XRN1: variants seen among roughly 807,000 people sequenced by gnomAD.
XRN1 encodes the protein strand-exchange protein 1 homolog.
Under a neutral mutation model 222.3 loss-of-function variants are expected in XRN1, and 67 were observed. That is an observed-to-expected ratio of 0.30 (90% confidence interval 0.25 to 0.37). XRN1 has a LOEUF of 0.37. XRN1 is among the 10% of genes least tolerant of loss of function. The pLI is 1.00. For synonymous variants in XRN1, 643 were observed against 652.4 expected, an observed-to-expected ratio of 0.99 and a Z score of 0.22; for missense variants, 1,707 against 2,000.2, an observed-to-expected ratio of 0.85 and a Z score of 2.80.
Position 142,308,309 on chromosome 3 carries a change from TC to T in XRN1, c.*3201del, listed in dbSNP as rs1473128969. The T allele has an allele frequency of 2.0e-4, 31 of 152,202 alleles. No homozygotes were observed. The highest frequency in any genetic ancestry group is 2.0e-3 in the Admixed American group (31 of 15,270). 9.4% of individuals were successfully genotyped at this position (152,202 alleles called of 1,614,324 possible). On this transcript the variant is annotated 3_prime_UTR_variant, in exon 41 of 41. Coordinates refer to ENST00000392981, the MANE Select transcript of XRN1 (RefSeq NM_001282857.2). ...TCTGCCTCCCTCTCTCTGCCTCCTC[TC>T]ATTAAAACCAAGAATCTAGCTTAGT...
At chr3:142,414,497 A>T (rs2068709771) in intron 13 of XRN1, among the ~76,000 whole-genome samples, 1 of 143,874 alleles carries the variant, frequency 7.0e-6, no homozygotes, top group African/African-American at 2.5e-5. Context: ...CATTTCCTGA[A>T]TTTTTTTTTT....
At chr3:142,413,528 A>G (rs1364145543) in intron 14 of XRN1, among the ~76,000 whole-genome samples, 1 of 152,196 alleles carries the variant, frequency 6.6e-6, no homozygotes, top group Non-Finnish European at 1.5e-5. Context: ...CACAGAATTA[A>G]AAGAACAGAT....
At chr3:142,403,846 T>G (rs369075979) in intron 17 of XRN1, 23 bp downstream of exon 17, 139 of 1,611,948 alleles carry the variant, frequency 8.6e-5, no homozygotes, top group Middle Eastern at 5.0e-4. Context: ...AGTGAAAAAA[T>G]TCTGAACTAA....
chr3:142,396,444 GT>G (rs2067935468), intron 20 of XRN1, among the ~76,000 whole-genome samples: 1 of 152,130 alleles, frequency 6.6e-6, no homozygotes, highest in Admixed American at 6.5e-5. Flanking sequence ...GTTTATTATG[GT>G]TTTATTTATA....
chr3:142,415,650 C>T (rs2068755745), intron 13 of XRN1, among the ~76,000 whole-genome samples: 1 of 152,188 alleles, frequency 6.6e-6, no homozygotes, highest in African/African-American at 2.4e-5. Flanking sequence ...GATTGCTCCT[C>T]AGAGAGGCCC....
intron 20 of XRN1, 37 bp downstream of exon 20, chr3:142,397,292 T>C (rs1043925878): frequency 2.0e-6 from 3 of 1,524,358 alleles, no homozygotes; most frequent in Non-Finnish European, 2.6e-6. Flanking sequence ...AAACGGATTT[T>C]AGTTCCATGA....
intron 37 of XRN1, among the ~76,000 whole-genome samples, chr3:142,324,078 T>C (rs1441413629): frequency 6.6e-6 from 1 of 151,758 alleles, no homozygotes; most frequent in African/African-American, 2.4e-5. Flanking sequence ...TATTGGGTTT[T>C]TTTTCAGTTT....
At position 142,447,909 on chromosome 3, in the gene XRN1, C is replaced by T; in HGVS notation, c.36G>A (p.Glu12=). The T allele has an allele frequency of 6.2e-7, 1 of 1,614,052 alleles. No homozygotes were observed. The highest frequency in any genetic ancestry group is 1.3e-5 in the African/African-American group (1 of 75,050). The change falls in exon 1 of 41, where the codon GAG becomes GAA. Residue 12 remains glutamate (E), a synonymous_variant. Transcript: ENST00000392981. The surrounding 1 kb of genome is among the most constrained non-coding windows in gnomAD (Gnocchi z 4.2). The stretch of plus-strand genomic sequence containing the variant: ...CCACTTCGCTGAGACAGGGATACCG[C>T]TCTGAGATCCATCTGTAAAACTTGG... The part of the protein sequence containing the change: ...GVPKFYRWIS[E]RYPCLSEVVK...
intron 36 of XRN1, among the ~76,000 whole-genome samples, chr3:142,330,247 G>C (rs945997820): frequency 1.3e-5 from 2 of 152,142 alleles, no homozygotes; most frequent in African/African-American, 2.4e-5. Context: ...AAGTTTTGAA[G>C]TTTTGGCTTC....
At chr3:142,416,985 T>A (rs1017025234) in intron 13 of XRN1, among the ~76,000 whole-genome samples, 155 bp downstream of exon 13, 1 of 129,166 alleles carries the variant, frequency 7.7e-6, no homozygotes, top group South Asian at 2.3e-4. Flanking sequence ...GCCGAGATCA[T>A]GCCACTGCAC....
intron 15 of XRN1, 62 bp downstream of exon 15, chr3:142,412,482 C>A: frequency 2.1e-6 from 3 of 1,457,650 alleles, no homozygotes; most frequent in Non-Finnish European, 9.2e-7. Context: ...GCTCATTAAC[C>A]TATGTGAAAT....
intron 6 of XRN1, 143 bp from the exon 7 acceptor site, chr3:142,423,065 AGG>A: frequency 1.6e-6 from 1 of 644,758 alleles, no homozygotes; most frequent in Admixed American, 3.2e-5. Context: ...TGAAGGTTGC[AGG>A]GTAACAAAGA....
chr3:142,384,106 T>C (rs1470179716), intron 21 of XRN1, among the ~76,000 whole-genome samples: 2 of 151,588 alleles, frequency 1.3e-5, no homozygotes, highest in Non-Finnish European at 2.9e-5. Context: ...CCATCTCCAC[T>C]AAAAAATACC....
chr3:142,323,462 G>A lies in XRN1; in HGVS notation c.4405-4559C>T, dbSNP rs72990417. 3.3e-3 allele frequency among the ~76,000 whole-genome samples: 505 copies of A among 152,068 alleles called. 5 individuals are homozygous for A. The highest frequency in any genetic ancestry group is 0.012 in the African/African-American group (487 of 41,474). ...CTCCCAAAGTGCTGGGATTACAGAC[G>A]TGAGATACCATGCCCGGCCCACTTT... On this transcript the variant is annotated intron_variant, in intron 37 of 40. Transcript: ENST00000392981.
chr3:142,327,362 T>G (rs2065547179), intron 37 of XRN1, among the ~76,000 whole-genome samples: 1 of 152,142 alleles, frequency 6.6e-6, no homozygotes, highest in Middle Eastern at 3.2e-3. Context: ...CATCCATTTC[T>G]TCTAAGTTTT....
intron 18 of XRN1, among the ~76,000 whole-genome samples, chr3:142,401,842 T>C (rs1258383227): frequency 2.6e-5 from 4 of 152,238 alleles, no homozygotes; most frequent in Admixed American, 2.6e-4. Context: ...CGAAATGGAA[T>C]TTTCAAAGAT....
At chr3:142,316,112 C>T (rs2065204864) in intron 39 of XRN1, among the ~76,000 whole-genome samples, 1 of 151,984 alleles carries the variant, frequency 6.6e-6, no homozygotes, top group Non-Finnish European at 1.5e-5. Flanking sequence ...CACTGCAGAG[C>T]CAAGCTGGGT....
intron 32 of XRN1, among the ~76,000 whole-genome samples, chr3:142,348,512 T>C (rs949781068): frequency 1.3e-5 from 2 of 152,164 alleles, no homozygotes; most frequent in African/African-American, 4.8e-5. Flanking sequence ...AGAGAAAGCC[T>C]GAATGCAAAA....
chr3:142,356,938 G>C lies in XRN1; in HGVS notation c.3646C>G (p.Pro1216Ala). The C allele has an allele frequency of 1.2e-6, 2 of 1,614,046 alleles. No homozygotes were observed. The highest frequency in any genetic ancestry group is 1.7e-6 in the Non-Finnish European group (2 of 1,179,960). The change falls in exon 31 of 41, where the codon CCT becomes GCT. Residue 1216 changes from proline (P) to alanine (A), a missense_variant. Pro to Ala is a conservative substitution (Grantham distance 27). Around this residue, in one of 2 missense-constraint regions of XRN1, gnomAD observed 1,234 missense variants for 1,518.2 expected, o/e 0.81. Coordinates refer to ENST00000392981, the MANE Select transcript of XRN1 (RefSeq NM_001282857.2). ...TGAGTAGGAACAAAAAGTGATTGAG[G>C]GGAATGGTTGAGGGCTCCCAAATGC... ...SGHLGALNHS[P>A]QSLFVPTQVP...
Sources: allele counts gnomAD v4.1 joint callset (sites outside exome capture counted in the v4.1 genomes callset), GRCh38; gene constraint gnomAD v4.1.1; regional missense constraint gnomAD v4.1.1; non-coding constraint Gnocchi (gnomAD v3.1); transcripts MANE v1.5; gene names NCBI Gene and HGNC (gene_info 2026-07-23, HGNC 2026-07-21).